The following C1QTNF9 variants were observed in gnomAD, a reference collection of about 807,000 sequenced individuals.
C1QTNF9 encodes C1q and TNF related 9.
Under a neutral mutation model 10.1 loss-of-function variants are expected in C1QTNF9, and 6 were observed. The ratio of observed to expected loss-of-function variants is 0.59; its 90% CI spans 0.32 to 1.17. The LOEUF (loss-of-function observed/expected upper bound fraction) is 1.17. Ranked by LOEUF, C1QTNF9 falls within the 50% of genes most tolerant of loss-of-function variation. C1QTNF9 has a pLI of 0.04. For missense variants in C1QTNF9, 201 were observed against 418.8 expected, an observed-to-expected ratio of 0.48 and a Z score of 4.54; for synonymous variants, 98 against 163.5, an observed-to-expected ratio of 0.60 and a Z score of 3.06.
chr13:24,320,136 GGGA>G (rs1476661419), intron 3 of C1QTNF9, among the ~76,000 whole-genome samples: 2 of 151,920 alleles, frequency 1.3e-5, no homozygotes, highest in Admixed American at 1.3e-4. Flanking sequence ...GTTCACTCCA[GGGA>G]GGAGGTTTTT....
rs571546642 is a variant in C1QTNF9, at chr13:24,322,145, A to C, written c.*377A>C. 8.3e-3 allele frequency: 1,539 copies of C among 184,462 alleles called. 12 individuals are homozygous for C. The highest frequency in any genetic ancestry group is 0.034 in the African/African-American group (1,450 of 42,648). 11.4% of individuals were successfully genotyped at this position (184,462 alleles called of 1,614,324 possible). On this transcript the variant is annotated 3_prime_UTR_variant, in exon 4 of 4. Coordinates refer to ENST00000332018, the Ensembl canonical transcript of C1QTNF9. ...GGAAATTAGAGGGAAATGTTTATTC[A>C]ATTTAGTACTAGCAACAGCTTTAAG...
chr13:24,311,695 C>T (rs772884451), intron 1 of C1QTNF9, among the ~76,000 whole-genome samples: 1 of 152,224 alleles, frequency 6.6e-6, no homozygotes, highest in Non-Finnish European at 1.5e-5. Flanking sequence ...AGCTGTGTGT[C>T]AAGACCCCAA....
intron 1 of C1QTNF9, chr13:24,315,755 G>A (rs554470618): frequency 1.3e-5 from 7 of 526,656 alleles, no homozygotes; most frequent in Middle Eastern, 4.9e-4. Context: ...TAAATTGCCC[G>A]TTCACCTTGA....
At chr13:24,310,163 AT>A (rs1274787109) in intron 1 of C1QTNF9, among the ~76,000 whole-genome samples, 1 of 148,914 alleles carries the variant, frequency 6.7e-6, no homozygotes, top group Non-Finnish European at 1.5e-5. Flanking sequence ...AAGTGCTGGG[AT>A]TTTTTTTGAG....
At chr13:24,308,522 C>T (rs1302900637), upstream of C1QTNF9, among the ~76,000 whole-genome samples, 1 of 152,240 alleles carries the variant, frequency 6.6e-6, no homozygotes, top group African/African-American at 2.4e-5. Flanking sequence ...CCTGGGACCA[C>T]GGCATTGTCA....
chr13:24,310,073 T>G (rs1877752361), intron 1 of C1QTNF9, among the ~76,000 whole-genome samples: 1 of 151,838 alleles, frequency 6.6e-6, no homozygotes, highest in Non-Finnish European at 1.5e-5. Flanking sequence ...TTTGTATTGT[T>G]AGTAGAGATG....
At chr13:24,308,847 A>G (rs76942597), upstream of C1QTNF9, among the ~76,000 whole-genome samples, 53 of 152,288 alleles carry the variant, frequency 3.5e-4, no homozygotes, top group African/African-American at 1.3e-3. Context: ...AAGCTACTGT[A>G]AGTTTTAGAT....
At chr13:24,321,547 A>T in exon 4 of C1QTNF9, 1 of 1,612,436 alleles carries the variant, frequency 6.2e-7, no homozygotes. Flanking sequence ...TTTCTCCAGA[A>T]ATGTTCAGGT....
chr13:24,316,245 T>G lies in C1QTNF9; in HGVS notation c.166+76T>G, dbSNP rs1255002755. The G allele has an allele frequency of 2.7e-5, 41 of 1,530,362 alleles. 1 individual carries two copies. The highest frequency in any genetic ancestry group is 3.4e-5 in the Non-Finnish European group (38 of 1,119,668). 94.8% of individuals were successfully genotyped at this position (1,530,362 alleles called of 1,614,324 possible). A position where few individuals can be genotyped will look rare whatever the true frequency, so the allele number is the denominator to read the frequency against. On this transcript the variant is annotated intron_variant, in intron 2 of 3. Transcript: ENST00000332018. ...TCATCTCATTCACTCATCATCTGTGTGATTTTCCACCTACCCACTCACACC... is the reference window on the plus strand; with the variant it reads ...TCATCTCATTCACTCATCATCTGTGGGATTTTCCACCTACCCACTCACACC...
rs562265065 is a variant in C1QTNF9, at chr13:24,309,639, T to C, written c.-23+23T>C. 4 of 152,288 alleles carry C rather than the reference T, an allele frequency of 2.6e-5. No individual in the cohort carries two copies. In the South Asian group the frequency reaches 8.3e-4, roughly 32 times the overall value. The allele number at this position is 152,288 out of a possible 1,614,324, so 9.4% of individuals were successfully genotyped here. A position where few individuals can be genotyped will look rare whatever the true frequency, so the allele number is the denominator to read the frequency against. On this transcript the variant is annotated intron_variant, in intron 1 of 3. Coordinates refer to ENST00000332018, the Ensembl canonical transcript of C1QTNF9. ...CAGGTAAGTTCATCAGGAAAGGATTTCTTTACATTCAATTTAAGCCATCTA... is the reference window on the plus strand; with the variant it reads ...CAGGTAAGTTCATCAGGAAAGGATTCCTTTACATTCAATTTAAGCCATCTA...
At chr13:24,308,730 C>T (rs1224682279), upstream of C1QTNF9, among the ~76,000 whole-genome samples, 1 of 152,110 alleles carries the variant, frequency 6.6e-6, no homozygotes, top group Non-Finnish European at 1.5e-5. Context: ...TACACCCGGC[C>T]TCTGCTCCTG....
At chr13:24,321,420 T>C (rs887233166) in exon 4 of C1QTNF9, 2 of 1,610,122 alleles carry the variant, frequency 1.2e-6, no homozygotes, top group African/African-American at 2.7e-5. Flanking sequence ...CTTCTTCAGA[T>C]ATGCCCATTA....
At chr13:24,309,816 A>AT (rs1477916387) in intron 1 of C1QTNF9, among the ~76,000 whole-genome samples, 200 bp downstream of exon 1, 1 of 152,190 alleles carries the variant, frequency 6.6e-6, no homozygotes, top group Non-Finnish European at 1.5e-5. Flanking sequence ...ATAAAAGCAG[A>AT]TTTTGAAATT....
intron 1 of C1QTNF9, among the ~76,000 whole-genome samples, chr13:24,312,886 C>T (rs1160063016): frequency 6.8e-6 from 1 of 147,044 alleles, no homozygotes; most frequent in Non-Finnish European, 1.5e-5. Context: ...ACCCGGGAGG[C>T]AGAGCTTGCA....
chr13:24,313,750 T>A (rs777240515), intron 1 of C1QTNF9, among the ~76,000 whole-genome samples: 22 of 152,196 alleles, frequency 1.4e-4, no homozygotes, highest in Admixed American at 3.3e-4. Context: ...TAAAAAAGCA[T>A]TTTTTATAAA....
upstream of C1QTNF9, among the ~76,000 whole-genome samples, chr13:24,307,463 G>T (rs998890616): frequency 6.6e-6 from 1 of 152,258 alleles, no homozygotes; most frequent in African/African-American, 2.4e-5. Context: ...TTTGCGGGTG[G>T]GTAGATTAGA....
intron 2 of C1QTNF9, among the ~76,000 whole-genome samples, chr13:24,317,277 GTGTGTGTATT>G (rs1390067819): frequency 3.9e-5 from 6 of 151,906 alleles, no homozygotes; most frequent in South Asian, 2.1e-4. Flanking sequence ...GTGTGTGTGT[GTGTGTGTATT>G]GTATTTCTGA....
intron 2 of C1QTNF9, among the ~76,000 whole-genome samples, chr13:24,317,861 G>GAGGGGAGC (rs1172347195): frequency 6.7e-6 from 1 of 149,342 alleles, no homozygotes; most frequent in Non-Finnish European, 1.5e-5. Flanking sequence ...GAGGGGAGGG[G>GAGGGGAGC]AGGGGAGCGC....
At chr13:24,315,121 G>T (rs1351429226) in intron 1 of C1QTNF9, among the ~76,000 whole-genome samples, 1 of 152,112 alleles carries the variant, frequency 6.6e-6, no homozygotes, top group Admixed American at 6.5e-5. Flanking sequence ...CGTTCTCTTT[G>T]TTGTGCAACC....
Sources: allele counts gnomAD v4.1 joint callset (sites outside exome capture counted in the v4.1 genomes callset), GRCh38; gene constraint gnomAD v4.1.1; transcripts MANE v1.5; gene names NCBI Gene and HGNC (gene_info 2026-07-23, HGNC 2026-07-21).